The following AFF3 variants were observed in gnomAD, a reference collection of about 807,000 sequenced individuals.
AFF3 encodes the protein AF4/FMR2 family member 3.
AFF3 carries 32 observed loss-of-function variants against 129.7 expected under a neutral mutation model. That is an observed-to-expected ratio of 0.25 (90% CI 0.19 to 0.33). The LOEUF is 0.33. Among genes scored for constraint, AFF3 ranks in the 10% least tolerant of loss-of-function variants. The pLI, the probability that AFF3 is intolerant of heterozygous loss-of-function variation, is 1.00. For missense variants in AFF3, 1,373 were observed against 1,592.0 expected, an observed-to-expected ratio of 0.86 and a Z score of 2.34; for synonymous variants, 644 against 635.4, an observed-to-expected ratio of 1.01 and a Z score of -0.20.
intron 8 of AFF3, among the ~76,000 whole-genome samples, chr2:99,795,221 T>C (rs1464258488): frequency 1.3e-5 from 2 of 152,052 alleles, no homozygotes; most frequent in Non-Finnish European, 2.9e-5. Context: ...TGAAAAAGAA[T>C]GAAATCATGT....
intron 11 of AFF3, among the ~76,000 whole-genome samples, chr2:99,714,682 T>C (rs748686151): frequency 2.0e-5 from 3 of 152,228 alleles, no homozygotes; most frequent in Non-Finnish European, 4.4e-5. Context: ...AAATCGACCT[T>C]GATCTCTCAA....
chr2:99,720,507 C>T (rs1345850730), intron 11 of AFF3, among the ~76,000 whole-genome samples: 1 of 152,154 alleles, frequency 6.6e-6, no homozygotes, highest in East Asian at 1.9e-4. Context: ...GATGCTGATG[C>T]CCTGCTTCCC....
intron 7 of AFF3, among the ~76,000 whole-genome samples, chr2:99,927,389 A>C (rs965141785): frequency 1.3e-5 from 2 of 152,228 alleles, no homozygotes; most frequent in African/African-American, 4.8e-5. Flanking sequence ...ATGGGATACT[A>C]TGCAGCTACA....
In AFF3 at chr2:99,727,076, CG is replaced by C; in HGVS notation, c.1091del (p.Ser364Ter). 6.2e-7 allele frequency: 1 copy of C among 1,603,372 alleles called. No individual in the cohort carries two copies. Among genetic ancestry groups the C allele is most frequent in the Non-Finnish European group, 8.5e-7 (1 of 1,176,440 alleles). On this transcript the variant is annotated frameshift_variant and splice_region_variant, in exon 11 of 25. Coordinates refer to ENST00000672756, the MANE Select transcript of AFF3 (RefSeq NM_001386135.1). LOFTEE classifies it high-confidence loss of function. ...ESPDNGTSNT[S>X]MLEDDLKLSS... Reference sequence around the variant, plus strand: ...TCTGATAGAAAATGAAAGAAACTTACGATGTATTCGATGTGCCATTGTCTGG... The same window carrying C: ...TCTGATAGAAAATGAAAGAAACTTACATGTATTCGATGTGCCATTGTCTGG...
At chr2:100,014,883 A>C (rs1215146195) in intron 4 of AFF3, among the ~76,000 whole-genome samples, 1 of 149,512 alleles carries the variant, frequency 6.7e-6, no homozygotes, top group African/African-American at 2.5e-5. Context: ...TCCCAGGTTC[A>C]AGTGATTCTT....
chr2:99,966,830 T>A (rs1200181598), intron 7 of AFF3, among the ~76,000 whole-genome samples: 1 of 151,864 alleles, frequency 6.6e-6, no homozygotes, highest in Non-Finnish European at 1.5e-5. Context: ...GGAAAATAAT[T>A]GATTCTGATT....
Position 100,006,747 on chromosome 2 carries a change from G to A in AFF3, c.758C>T (p.Ser253Leu), listed in dbSNP as rs1351688871. 1 of 1,614,062 alleles carries A rather than the reference G, an allele frequency of 6.2e-7. No homozygotes were observed. The highest frequency in any genetic ancestry group is 1.3e-5 in the African/African-American group (1 of 74,932). Residue 253 changes from serine to leucine, a missense_variant, in exon 7 of 25, where the codon TCG becomes TTG. By Grantham distance (145) the Ser-to-Leu change is moderately radical. Transcript: ENST00000672756. Reference protein sequence around the residue: ...QAPDESPKLKSSSETSVHCTS... With the variant: ...QAPDESPKLKLSSETSVHCTS... ...GCAGTGCACGCTGGTTTCCGAAGAC[G>A]ACTTCAGCTTAGGAGACTCATCAGG... is the stretch of plus-strand genomic sequence containing the variant.
chr2:99,867,326 G>A (rs895558225), intron 7 of AFF3, among the ~76,000 whole-genome samples: 2 of 66,052 alleles, frequency 3.0e-5, no homozygotes, highest in Non-Finnish European at 7.6e-5. Flanking sequence ...TCACAAATGG[G>A]GTTGACATTG....
intron 7 of AFF3, among the ~76,000 whole-genome samples, chr2:99,967,105 C>A (rs1226142685): frequency 6.6e-6 from 1 of 152,146 alleles, no homozygotes; most frequent in Non-Finnish European, 1.5e-5. Context: ...TGCCTTCTCA[C>A]AATTCTCACC....
intron 4 of AFF3, among the ~76,000 whole-genome samples, chr2:100,082,593 C>T (rs1300848045): frequency 6.6e-6 from 1 of 152,110 alleles, no homozygotes; most frequent in East Asian, 1.9e-4. Context: ...CCATCAGTTA[C>T]GTTAAAGCTG....
intron 2 of AFF3, among the ~76,000 whole-genome samples, chr2:100,127,032 G>C (rs183564742): frequency 6.6e-6 from 1 of 152,244 alleles, no homozygotes; most frequent in Non-Finnish European, 1.5e-5. Flanking sequence ...TGGCAGTTGC[G>C]GGTGGTGGCA....
At chr2:100,092,103 A>G (rs1160954586) in intron 4 of AFF3, among the ~76,000 whole-genome samples, 1 of 151,914 alleles carries the variant, frequency 6.6e-6, no homozygotes, top group Non-Finnish European at 1.5e-5. Context: ...CTTTTCCCTA[A>G]ATGTCAGGAT....
At chr2:100,041,265 C>T (rs1361729988) in intron 4 of AFF3, among the ~76,000 whole-genome samples, 2 of 152,212 alleles carry the variant, frequency 1.3e-5, no homozygotes, top group Admixed American at 1.3e-4. Context: ...TTGGAAAATT[C>T]CTCACTCATA....
rs530468559 is a variant in AFF3 at position 99,699,135 on chromosome 2, A to C, written c.1092-26546T>G. ...AATGATGCAATCATTTTGGGATAAC[A>C]GTTATATAATATAAAGGTTTCACAT... On this transcript the variant is annotated intron_variant, in intron 11 of 24. Coordinates refer to ENST00000672756, the MANE Select transcript of AFF3 (RefSeq NM_001386135.1). 1.2e-4 allele frequency among the ~76,000 whole-genome samples: 18 copies of C among 152,340 alleles called. No homozygotes were observed. The East Asian group carries it at 3.3e-3, about 28-fold the overall frequency.
chr2:99,642,192 G>A (rs182058152), intron 13 of AFF3, among the ~76,000 whole-genome samples: 96 of 152,306 alleles, frequency 6.3e-4, no homozygotes, highest in East Asian at 5.8e-3. Context: ...ATCCCCACTC[G>A]CTACAAGAGA....
intron 13 of AFF3, among the ~76,000 whole-genome samples, chr2:99,621,968 C>T (rs1056101751): frequency 4.6e-5 from 7 of 152,156 alleles, no homozygotes; most frequent in Non-Finnish European, 7.4e-5. Context: ...CAGCACCAGG[C>T]AGCCCTTCTA....
At chr2:100,040,202 C>T (rs1207011750) in intron 4 of AFF3, among the ~76,000 whole-genome samples, 3 of 152,078 alleles carry the variant, frequency 2.0e-5, no homozygotes, top group Non-Finnish European at 2.9e-5. Context: ...AGTAATATGA[C>T]GATTATTGCT....
intron 8 of AFF3, among the ~76,000 whole-genome samples, chr2:99,774,792 C>G (rs1683760530): frequency 6.6e-6 from 1 of 152,124 alleles, no homozygotes; most frequent in Non-Finnish European, 1.5e-5. Context: ...AAACTACCAA[C>G]AGAGTAAACA....
At chr2:99,814,109 C>T (rs992490986) in intron 8 of AFF3, among the ~76,000 whole-genome samples, 3 of 152,106 alleles carry the variant, frequency 2.0e-5, no homozygotes, top group Admixed American at 6.5e-5. Flanking sequence ...AAGAAAGAAA[C>T]TTTCTTGGGG....
Sources: allele counts gnomAD v4.1 joint callset (sites outside exome capture counted in the v4.1 genomes callset), GRCh38; gene constraint gnomAD v4.1.1; transcripts MANE v1.5; gene names NCBI Gene and HGNC (gene_info 2026-07-23, HGNC 2026-07-21).